ECHS1: variants seen among roughly 807,000 people sequenced by gnomAD.
ECHS1 encodes enoyl-CoA hydratase, mitochondrial.
In ECHS1, 19 loss-of-function variants were observed where a neutral mutation model predicts 33.5. The ratio of observed to expected loss-of-function variants is 0.57; its 90% confidence interval spans 0.40 to 0.83. The LOEUF (loss-of-function observed/expected upper bound fraction) is 0.83. Among genes scored for constraint, ECHS1 ranks in the 40% least tolerant of loss-of-function variants. The pLI, the probability that ECHS1 is intolerant of heterozygous loss-of-function variation, is 0.00. For missense variants in ECHS1, 365 were observed against 381.3 expected (o/e 0.96, Z 0.36); for synonymous variants, 158 against 146.6 (o/e 1.08, Z -0.56).
intron 4 of ECHS1, among the ~76,000 whole-genome samples, chr10:133,367,368 T>G (rs1045766819): frequency 1.3e-5 from 2 of 150,920 alleles, no homozygotes; most frequent in Admixed American, 1.3e-4. Flanking sequence ...TAGCTCTTAA[T>G]ATTACTCTTT....
chr10:133,362,783 A>G lies in ECHS1; in HGVS notation c.*85T>C, dbSNP rs955870758. ...TGCACACCACGGACACTGCTCTTGA[A>G]AAGAGGATGATTTACTTGCTTCTAA... On this transcript the variant is annotated 3_prime_UTR_variant, in exon 8 of 8. Coordinates refer to ENST00000368547, the MANE Select transcript of ECHS1 (RefSeq NM_004092.4). 6.8e-7 allele frequency: 1 copy of G among 1,474,038 alleles called. No homozygotes were observed. The highest frequency in any genetic ancestry group is 9.5e-7 in the Non-Finnish European group (1 of 1,052,864). 91.3% of individuals were successfully genotyped at this position (1,474,038 alleles called of 1,614,324 possible).
At position 133,373,338 on chromosome 10, in the gene ECHS1, C is replaced by T. The variant is rs1204597554; in HGVS notation, c.-5G>A. ...CAGGACACGCAGGGCGGCCATGGCT[C>T]TCTGGACTCCTCGCCCGGCCCCGCG... On this transcript the variant is annotated 5_prime_UTR_variant, in exon 1 of 8. Coordinates refer to ENST00000368547, the MANE Select transcript of ECHS1 (RefSeq NM_004092.4). 4 of 1,497,262 alleles carry T rather than the reference C, an allele frequency of 2.7e-6. No individual in the cohort carries two copies. The highest frequency in any genetic ancestry group is 2.1e-5 in the Admixed American group (1 of 47,052). 92.7% of individuals were successfully genotyped at this position (1,497,262 alleles called of 1,614,324 possible).
intron 1 of ECHS1, among the ~76,000 whole-genome samples, chr10:133,370,994 C>T (rs565115606): frequency 1.1e-4 from 16 of 152,282 alleles, no homozygotes; most frequent in East Asian, 7.7e-4. Flanking sequence ...AGAAAATCCC[C>T]GGGCCGGGCG....
At chr10:133,365,891 C>T in intron 6 of ECHS1, 85 bp downstream of exon 6, 1 of 1,532,966 alleles carries the variant, frequency 6.5e-7, no homozygotes, top group Non-Finnish European at 8.9e-7. Flanking sequence ...AAGGCATATT[C>T]ATTTGGAGCC....
intron 6 of ECHS1, among the ~76,000 whole-genome samples, chr10:133,365,088 G>T (rs577598071): frequency 6.6e-6 from 1 of 152,254 alleles, no homozygotes; most frequent in African/African-American, 2.4e-5. Flanking sequence ...AGGACAGCAC[G>T]AGAGCCAGAG....
Position 133,364,702 on chromosome 10 carries a change from CTTCT to C in ECHS1, c.759_762del (p.Gly255ValfsTer21), listed in dbSNP as rs751562208. The C allele has an allele frequency of 2.5e-6, 4 of 1,613,890 alleles. No individual in the cohort carries two copies. The highest frequency in any genetic ancestry group is 2.5e-6 in the Non-Finnish European group (3 of 1,179,860). On this transcript the variant is annotated frameshift_variant, in exon 7 of 8. Coordinates refer to ENST00000368547, the MANE Select transcript of ECHS1 (RefSeq NM_004092.4). LOFTEE classifies it high-confidence loss of function. ...AAGAGTTTCTTCTCCAACTTACTTC[CTTCT>C]GTTAATGTCATTTCAAAAGCTGAAA...
Position 133,373,353 on chromosome 10 carries a change from C to G in ECHS1, c.-20G>C. 1.3e-6 allele frequency: 2 copies of G among 1,490,558 alleles called. No individual in the cohort carries two copies. The highest frequency in any genetic ancestry group is 2.3e-4 in the Middle Eastern group (1 of 4,420). The allele number at this position is 1,490,558 out of a possible 1,614,324, so 92.3% of individuals were successfully genotyped here. A position where few individuals can be genotyped will look rare whatever the true frequency, so the allele number is the denominator to read the frequency against. ...GGCCATGGCTCTCTGGACTCCTCGC[C>G]CGGCCCCGCGGAGCCGCCCCCTCGC... On this transcript the variant is annotated 5_prime_UTR_variant, in exon 1 of 8. Coordinates refer to ENST00000368547, the MANE Select transcript of ECHS1 (RefSeq NM_004092.4).
chr10:133,363,379 A>AT (rs59122104), intron 7 of ECHS1, among the ~76,000 whole-genome samples: 9,985 of 37,514 alleles, frequency 0.27, 368 homozygotes, highest in East Asian at 0.41. Flanking sequence ...ACACACACAC[A>AT]CACACGCATC....
intron 1 of ECHS1, among the ~76,000 whole-genome samples, chr10:133,372,085 C>A (rs1017559106): frequency 9.9e-5 from 15 of 152,216 alleles, no homozygotes; most frequent in African/African-American, 3.4e-4. Context: ...AGCCACTGTG[C>A]CCCGCCGTAT....
intron 5 of ECHS1, among the ~76,000 whole-genome samples, chr10:133,366,406 C>A (rs930117292): frequency 5.3e-5 from 8 of 152,254 alleles, no homozygotes; most frequent in African/African-American, 1.9e-4. Flanking sequence ...CCTGGAGATG[C>A]CCATTGCTTA....
chr10:133,371,479 C>T (rs916974111), intron 1 of ECHS1: 1 of 154,602 alleles, frequency 6.5e-6, no homozygotes, highest in Non-Finnish European at 1.5e-5. Context: ...GCTCCTTGCA[C>T]TTGGTACCGC....
intron 6 of ECHS1, among the ~76,000 whole-genome samples, chr10:133,365,312 A>G (rs1300197855): frequency 6.6e-6 from 1 of 152,176 alleles, no homozygotes; most frequent in Non-Finnish European, 1.5e-5. Flanking sequence ...TCCTCACTGT[A>G]TCCTGCCTCA....
chr10:133,366,792 G>T, intron 5 of ECHS1, 97 bp downstream of exon 5: 1 of 896,250 alleles, frequency 1.1e-6, no homozygotes, highest in Non-Finnish European at 1.8e-6. Context: ...TTTCTGTGGG[G>T]CTCCCCCGAG....
chr10:133,363,044 C>T (rs955903642), intron 7 of ECHS1, 111 bp from the exon 8 acceptor site: 45 of 1,296,512 alleles, frequency 3.5e-5, no homozygotes, highest in Middle Eastern at 1.9e-4. Context: ...CTCACAGGGG[C>T]CCAGGGGGCC....
chr10:133,370,475 C>T (rs1319264739), intron 2 of ECHS1, 85 bp downstream of exon 2: 12 of 1,365,018 alleles, frequency 8.8e-6, no homozygotes, highest in African/African-American at 7.4e-5. Flanking sequence ...ATCACAGAGG[C>T]GCAAATCTGT....
At chr10:133,366,315 GGCCACAGCTCCGACGGCA>G (rs1460499093) in intron 5 of ECHS1, among the ~76,000 whole-genome samples, 1 of 152,238 alleles carries the variant, frequency 6.6e-6, no homozygotes, top group African/African-American at 2.4e-5. Context: ...GGGCCAGGCT[GGCCACAGCTCCGACGGCA>G]GAGGCGGCCA....
chr10:133,368,840 A>G (rs1849067035), intron 4 of ECHS1, 83 bp downstream of exon 4: 3 of 1,313,242 alleles, frequency 2.3e-6, no homozygotes, highest in Admixed American at 1.8e-5. Flanking sequence ...CTCTGGTCAG[A>G]TATGAGCTGT....
At chr10:133,364,619 G>C in intron 7 of ECHS1, 39 bp downstream of exon 7, 2 of 1,504,428 alleles carry the variant, frequency 1.3e-6, no homozygotes, top group Non-Finnish European at 1.8e-6. Flanking sequence ...TGTGTGACTG[G>C]AATTTGCTTG....
Position 133,373,284 on chromosome 10 carries a change from G to A in ECHS1, c.50C>T (p.Pro17Leu). 6.8e-7 allele frequency: 1 copy of A among 1,478,106 alleles called. No homozygotes were observed. Among genetic ancestry groups the A allele is most frequent in the East Asian group, 2.9e-5 (1 of 34,634 alleles). The allele number at this position is 1,478,106 out of a possible 1,614,324, so 91.6% of individuals were successfully genotyped here. A position where few individuals can be genotyped will look rare whatever the true frequency, so the allele number is the denominator to read the frequency against. ...ACGCCAGGCGGGACAGCGAACCGGGGGCCTCAGCGGGCCGCGGACGCAGGA... is the reference window on the plus strand; with the variant it reads ...ACGCCAGGCGGGACAGCGAACCGGGAGCCTCAGCGGGCCGCGGACGCAGGA... ...LLSCVRGPLR[P>L]PVRCPAWRPF... Residue 17 changes from proline to leucine, a missense_variant, in exon 1 of 8, where the codon CCC becomes CTC. Pro to Leu is a moderately conservative substitution (Grantham distance 98). Transcript: ENST00000368547.
Sources: allele counts gnomAD v4.1 joint callset (sites outside exome capture counted in the v4.1 genomes callset), GRCh38; gene constraint gnomAD v4.1.1; transcripts MANE v1.5; gene names NCBI Gene and HGNC (gene_info 2026-07-23, HGNC 2026-07-21).